Variants in BTBD2 observed in about 807,000 individuals in gnomAD.
BTBD2 encodes BTB/POZ domain-containing protein 2.
In BTBD2, 15 loss-of-function variants were observed where a neutral mutation model predicts 44.0. The observed-to-expected ratio is 0.34, with a 90% CI of 0.23 to 0.53. BTBD2 has a LOEUF of 0.53. Among genes scored for constraint, BTBD2 ranks in the 20% least tolerant of loss-of-function variants. BTBD2 has a pLI of 0.95. For missense variants in BTBD2, 657 were observed against 746.4 expected (o/e 0.88, Z 1.39); for synonymous variants, 443 against 335.9 (o/e 1.32, Z -3.49).
chr19:2,001,299 A>G (rs2016327115), intron 1 of BTBD2, among the ~76,000 whole-genome samples: 1 of 151,998 alleles, frequency 6.6e-6, no homozygotes, highest in Non-Finnish European at 1.5e-5. Flanking sequence ...GATCAAGACC[A>G]TCCTGGCTAA....
intron 6 of BTBD2, 119 bp downstream of exon 6, chr19:1,987,381 C>A: frequency 7.3e-7 from 1 of 1,378,350 alleles, no homozygotes; most frequent in South Asian, 1.4e-5. Flanking sequence ...GCCCGGCGGC[C>A]CCCCCGCCGT....
intron 1 of BTBD2, among the ~76,000 whole-genome samples, chr19:1,997,945 C>G (rs1392917829): frequency 6.6e-6 from 1 of 152,218 alleles, no homozygotes; most frequent in East Asian, 1.9e-4. Context: ...TACATTCACT[C>G]AACTCATACA....
At chr19:2,002,414 A>G (rs1210427540) in intron 1 of BTBD2, among the ~76,000 whole-genome samples, 1 of 152,222 alleles carries the variant, frequency 6.6e-6, no homozygotes, top group Non-Finnish European at 1.5e-5. Flanking sequence ...CTAATTATCA[A>G]GCTCAAGGAC....
chr19:1,988,893 C>T (rs959902224), intron 5 of BTBD2, among the ~76,000 whole-genome samples: 1 of 152,050 alleles, frequency 6.6e-6, no homozygotes, highest in Non-Finnish European at 1.5e-5. Flanking sequence ...GAGTGAGTGA[C>T]CCAGCCTGGC....
intron 1 of BTBD2, among the ~76,000 whole-genome samples, chr19:2,012,705 G>A (rs1399416373): frequency 1.3e-5 from 2 of 152,174 alleles, no homozygotes; most frequent in African/African-American, 4.8e-5. Flanking sequence ...GGGCCTCATT[G>A]CCCTCTCCTG....
chr19:1,990,043 T>C lies in BTBD2; in HGVS notation c.949A>G (p.Ile317Val). The stretch of plus-strand genomic sequence containing the variant: ...TCGATGGTCATGAGCGGGAAGCGAA[T>C]GAGGCCCAGGGCCTTGCCCAGAACC... ...RKVLGKALGL[I>V]RFPLMTIEEF... Residue 317 changes from isoleucine to valine, a missense_variant, in exon 5 of 9, where the codon ATT becomes GTT. Ile to Val is a conservative substitution (Grantham distance 29). Transcript: ENST00000255608. 4.3e-6 allele frequency: 7 copies of C among 1,613,348 alleles called. No homozygotes were observed. Among genetic ancestry groups the C allele is most frequent in the Non-Finnish European group, 5.9e-6 (7 of 1,180,008 alleles).
intron 1 of BTBD2, chr19:2,014,421 T>G (rs2016506030): frequency 1.4e-5 from 2 of 138,152 alleles, no homozygotes; most frequent in Non-Finnish European, 1.5e-5. Context: ...TGGGTGGGGG[T>G]GCAGGGCCAG....
At chr19:2,014,968 G>A (rs1164626334) in intron 1 of BTBD2, among the ~76,000 whole-genome samples, 1 of 151,180 alleles carries the variant, frequency 6.6e-6, no homozygotes, top group Non-Finnish European at 1.5e-5. Flanking sequence ...ACAGAGGGGT[G>A]CAGAGCCCAG....
At chr19:1,992,115 C>A (rs1277968684) in intron 3 of BTBD2, 1 of 147,138 alleles carries the variant, frequency 6.8e-6, no homozygotes, top group Admixed American at 6.8e-5. Flanking sequence ...TTTTTAGAGA[C>A]AGGGTCTCAC....
At position 1,987,604 on chromosome 19, in the gene BTBD2, G is replaced by A. The variant is rs139451563; in HGVS notation, c.1077C>T (p.Phe359=). 3 of 1,612,864 alleles carry A rather than the reference G, an allele frequency of 1.9e-6. No homozygotes were observed. Among genetic ancestry groups the A allele is most frequent in the Admixed American group, 3.3e-5 (2 of 59,954 alleles). The part of the protein sequence containing the change: ...FTVNPKPRVE[F]IDRPRCCLRG... Reference sequence around the variant, plus strand: ...GCAGGCAGCAGCGGGGCCGGTCAATGAACTCCACTCGTGGCTTGGGGTTGA... The same window carrying A: ...GCAGGCAGCAGCGGGGCCGGTCAATAAACTCCACTCGTGGCTTGGGGTTGA... The change falls in exon 6 of 9, where the codon TTC becomes TTT. Residue 359 remains phenylalanine (F), a synonymous_variant. Transcript: ENST00000255608.
intron 1 of BTBD2, among the ~76,000 whole-genome samples, chr19:2,009,678 T>C (rs1377915310): frequency 1.3e-5 from 2 of 148,808 alleles, no homozygotes; most frequent in African/African-American, 5.0e-5. Context: ...ACGGAAATAC[T>C]GTCTCTACTA....
chr19:1,987,588 A>C lies in BTBD2; in HGVS notation c.1093T>G (p.Cys365Gly). ...PRVEFIDRPR[C>G]CLRGKECSIN... ...CTGCACTCCTTCCCACGCAGGCAGC[A>C]GCGGGGCCGGTCAATGAACTCCACT... Residue 365 changes from cysteine to glycine, a missense_variant, in exon 6 of 9, where the codon TGC becomes GGC. Cys to Gly is a radical substitution (Grantham distance 159). Around this residue, in one of 3 missense-constraint regions of BTBD2, gnomAD observed 449 missense variants for 510.9 expected, o/e 0.88. Transcript: ENST00000255608. 6.2e-7 allele frequency: 1 copy of C among 1,612,706 alleles called. No individual in the cohort carries two copies. Among genetic ancestry groups the C allele is most frequent in the South Asian group, 1.1e-5 (1 of 90,964 alleles).
chr19:1,990,397 T>A, intron 4 of BTBD2, 196 bp from the exon 5 acceptor site: 1 of 661,522 alleles, frequency 1.5e-6, no homozygotes, highest in Non-Finnish European at 2.6e-6. Context: ...TTTCCTCGGC[T>A]GTGGTTGTTT....
chr19:2,015,206 C>G (rs1599364570), intron 1 of BTBD2, 91 bp downstream of exon 1: 2 of 1,273,460 alleles, frequency 1.6e-6, no homozygotes, highest in South Asian at 1.6e-5. Context: ...GCGGGGGTCT[C>G]GGGGACAGAG....
At chr19:1,988,435 G>C (rs1568214360) in intron 5 of BTBD2, 1 of 152,348 alleles carries the variant, frequency 6.6e-6, no homozygotes, top group Non-Finnish European at 1.5e-5. Context: ...AACCAAGGTG[G>C]GCTCAACTCC....
chr19:1,989,751 A>G (rs940899609), intron 5 of BTBD2: 14 of 534,298 alleles, frequency 2.6e-5, no homozygotes, highest in Non-Finnish European at 2.4e-5. Flanking sequence ...CCTCCTGGGA[A>G]GATGCCACCA....
At chr19:1,999,813 T>C (rs796981608) in intron 1 of BTBD2, among the ~76,000 whole-genome samples, 2 of 151,236 alleles carry the variant, frequency 1.3e-5, no homozygotes, top group East Asian at 3.9e-4. Context: ...AATACAAAAA[T>C]TAGCTGGGCG....
intron 5 of BTBD2, chr19:1,988,623 G>C (rs542611092): frequency 6.6e-6 from 1 of 151,128 alleles, no homozygotes; most frequent in African/African-American, 2.4e-5. Flanking sequence ...TAGAGTGCAG[G>C]ACGGAGTTTC....
At chr19:2,014,964 G>C (rs1287455321) in intron 1 of BTBD2, among the ~76,000 whole-genome samples, 1 of 151,554 alleles carries the variant, frequency 6.6e-6, no homozygotes, top group Non-Finnish European at 1.5e-5. Flanking sequence ...AGGGACAGAG[G>C]GGTGCAGAGC....
Sources: gnomAD v4.1 joint callset for allele counts (sites outside exome capture counted in the v4.1 genomes callset) on GRCh38, gnomAD v4.1.1 for gene constraint, gnomAD v4.1.1 regional missense constraint, MANE v1.5 for transcripts, NCBI Gene and HGNC (gene_info 2026-07-23, HGNC 2026-07-21) for gene names.